Variants in CALN1 observed in about 807,000 individuals in gnomAD.
CALN1 encodes the protein calneuron 1.
Under a neutral mutation model 30.6 loss-of-function variants are expected in CALN1, and 17 were observed. That is an observed-to-expected ratio of 0.56 (90% CI 0.38 to 0.83). The LOEUF (loss-of-function observed/expected upper bound fraction) is 0.83, where lower values mean the gene tolerates loss of function less well. CALN1 is among the 40% of genes least tolerant of loss of function. CALN1 has a pLI of 0.00. For synonymous variants in CALN1, 156 were observed against 131.4 expected (o/e 1.19, Z -1.28); for missense variants, 291 against 354.9 (o/e 0.82, Z 1.45).
chr7:72,240,247 C>G (rs536704683), intron 3 of CALN1, among the ~76,000 whole-genome samples: 4 of 151,072 alleles, frequency 2.6e-5, no homozygotes, highest in Admixed American at 2.6e-4. Flanking sequence ...CAAGCTGGAG[C>G]GCAGTAGAGT....
the CALN1 span, among the ~76,000 whole-genome samples, chr7:72,462,194 T>G: frequency 1.4e-5 from 2 of 140,810 alleles, no homozygotes; most frequent in East Asian, 1.9e-4. Flanking sequence ...ATTTATTTAT[T>G]TATTTGAGAC....
rs185058341 is a variant in CALN1 at position 71,811,276 on chromosome 7, T to C, written c.502-784A>G. Among the ~76,000 whole-genome samples, 556 of 152,174 alleles carry C rather than the reference T, an allele frequency of 3.7e-3. 4 individuals carry two copies. The highest frequency in any genetic ancestry group is 0.012 in the African/African-American group (514 of 41,532). ...AGGCTGGAGTCCAGTGGTGTGATCATAGCTCCCTGCAGCCTTGAACTCCTG... is the reference window on the plus strand; with the variant it reads ...AGGCTGGAGTCCAGTGGTGTGATCACAGCTCCCTGCAGCCTTGAACTCCTG... On this transcript the variant is annotated intron_variant, in intron 5 of 6. Coordinates refer to ENST00000395275, the MANE Select transcript of CALN1 (RefSeq NM_031468.4).
At chr7:72,086,654 AAACTCCTGACCTC>A (rs1287755270) in intron 4 of CALN1, among the ~76,000 whole-genome samples, 2 of 152,128 alleles carry the variant, frequency 1.3e-5, no homozygotes, top group African/African-American at 2.4e-5. Flanking sequence ...GGCTTGTCTC[AAACTCCTGACCTC>A]AAGTGATCCA....
intron 3 of CALN1, among the ~76,000 whole-genome samples, chr7:72,215,528 A>T (rs901775296): frequency 7.1e-6 from 1 of 141,650 alleles, no homozygotes; most frequent in African/African-American, 2.7e-5. Flanking sequence ...CAAGAAGCAG[A>T]GGTTGCAGTG....
chr7:71,998,910 A>G (rs547856605), intron 5 of CALN1, among the ~76,000 whole-genome samples: 13 of 152,308 alleles, frequency 8.5e-5, no homozygotes, highest in African/African-American at 3.1e-4. Flanking sequence ...AAAGCTGTTC[A>G]AGTACCCTAC....
At chr7:72,008,227 T>C (rs1799881073) in intron 5 of CALN1, among the ~76,000 whole-genome samples, 1 of 152,080 alleles carries the variant, frequency 6.6e-6, no homozygotes, top group Non-Finnish European at 1.5e-5. Context: ...TCTATGATTA[T>C]GCAAAAAAAT....
At chr7:72,496,828 G>A in the CALN1 span, among the ~76,000 whole-genome samples, 2 of 152,172 alleles carry the variant, frequency 1.3e-5, no homozygotes, top group African/African-American at 4.8e-5. Context: ...GCAGTGAGCT[G>A]TGATCGCACC....
chr7:72,135,257 TA>T (rs1467297129), intron 3 of CALN1, among the ~76,000 whole-genome samples: 2 of 152,228 alleles, frequency 1.3e-5, no homozygotes, highest in Non-Finnish European at 2.9e-5. Context: ...CAAATGTTCT[TA>T]ATGGTATTGA....
intron 5 of CALN1, among the ~76,000 whole-genome samples, chr7:71,943,947 G>A (rs1796267751): frequency 6.6e-6 from 1 of 152,142 alleles, no homozygotes; most frequent in Non-Finnish European, 1.5e-5. Flanking sequence ...TGTCTTTCAT[G>A]GGCTTATGGT....
intron 5 of CALN1, among the ~76,000 whole-genome samples, chr7:71,969,406 G>C (rs1163842380): frequency 6.6e-6 from 1 of 152,146 alleles, no homozygotes; most frequent in Non-Finnish European, 1.5e-5. Flanking sequence ...ATGTGGTCTA[G>C]ATACTTGTCA....
At chr7:72,245,491 C>T (rs888785150) in intron 3 of CALN1, among the ~76,000 whole-genome samples, 1 of 151,782 alleles carries the variant, frequency 6.6e-6, no homozygotes, top group Non-Finnish European at 1.5e-5. Context: ...TGGTGGTGGG[C>T]ACCTGTAATC....
At chr7:71,929,946 A>G (rs951926330) in intron 5 of CALN1, among the ~76,000 whole-genome samples, 1 of 152,222 alleles carries the variant, frequency 6.6e-6, no homozygotes, top group Admixed American at 6.5e-5. Context: ...CATGGATACC[A>G]AAATCCACGG....
At chr7:71,946,040 C>T (rs948184414) in intron 5 of CALN1, among the ~76,000 whole-genome samples, 5 of 152,266 alleles carry the variant, frequency 3.3e-5, no homozygotes, top group Non-Finnish European at 5.9e-5. Flanking sequence ...GGGGTGAGGG[C>T]CGCTTTAGGG....
chr7:71,871,976 G>A (rs553205847), intron 5 of CALN1, among the ~76,000 whole-genome samples: 90 of 152,160 alleles, frequency 5.9e-4, no homozygotes, highest in African/African-American at 2.1e-3. Context: ...TGTCCAACAC[G>A]GTAGCCACTG....
chr7:72,039,374 T>C lies in CALN1; in HGVS notation c.389-15605A>G, dbSNP rs1399288081. Among the ~76,000 whole-genome samples, 3 of 152,182 alleles carry C rather than the reference T, an allele frequency of 2.0e-5. No homozygotes were observed. The East Asian group carries it at 5.8e-4, about 29-fold the overall frequency. ...CACTTTGCTCTTTCTCACAACTCCC[T>C]GTTCGAGCTTCCCTGTCTCATATCT... is the stretch of plus-strand genomic sequence containing the variant. On this transcript the variant is annotated intron_variant, in intron 4 of 6. Transcript: ENST00000395275.
chr7:72,225,412 G>A (rs945957958), intron 3 of CALN1, among the ~76,000 whole-genome samples: 4 of 151,972 alleles, frequency 2.6e-5, no homozygotes, highest in East Asian at 2.0e-4. Flanking sequence ...GAGGGGCAAC[G>A]ATACCCCAAA....
intron 3 of CALN1, among the ~76,000 whole-genome samples, chr7:72,237,294 C>G (rs1217789112): frequency 2.6e-5 from 4 of 152,060 alleles, no homozygotes; most frequent in African/African-American, 4.8e-5. Context: ...CTGGGGAATT[C>G]TTATTATACC....
rs182529447 is a variant in CALN1 at position 71,919,847 on chromosome 7, C to T, written c.501+103810G>A. The stretch of plus-strand genomic sequence containing the variant: ...GCGAGGACCTAGTTGAAGCTGAACT[C>T]AAACTAAAAGGGATTTCTTGTGTCT... On this transcript the variant is annotated intron_variant, in intron 5 of 6. Transcript: ENST00000395275. Among the ~76,000 whole-genome samples the T allele has an allele frequency of 1.1e-4, 16 of 152,304 alleles. No homozygotes were observed. In the East Asian group the frequency reaches 3.1e-3, roughly 29 times the overall value.
At chr7:72,398,025 C>T (rs1806094520) in intron 2 of CALN1, among the ~76,000 whole-genome samples, 1 of 152,096 alleles carries the variant, frequency 6.6e-6, no homozygotes, top group African/African-American at 2.4e-5. Flanking sequence ...AAGAGCCAAG[C>T]ATTGTGGGGA....
Sources: gnomAD v4.1 joint callset for allele counts (sites outside exome capture counted in the v4.1 genomes callset) on GRCh38, gnomAD v4.1.1 for gene constraint, MANE v1.5 for transcripts, NCBI Gene and HGNC (gene_info 2026-07-23, HGNC 2026-07-21) for gene names.